The following ATP6V0A4 variants were observed in gnomAD, a reference collection of about 807,000 sequenced individuals.
ATP6V0A4 encodes the protein V-type proton ATPase 116 kDa subunit a 4.
Under a neutral mutation model 107.3 loss-of-function variants are expected in ATP6V0A4, and 86 were observed. The ratio of observed to expected loss-of-function variants is 0.80; its 90% CI spans 0.67 to 0.96. The LOEUF is 0.96. ATP6V0A4 is among the 40% of genes least tolerant of loss of function. The pLI is 0.00. For missense variants in ATP6V0A4, 908 were observed against 1,045.6 expected (o/e 0.87, Z 1.81); for synonymous variants, 353 against 381.4 (o/e 0.93, Z 0.87).
intron 2 of ATP6V0A4, among the ~76,000 whole-genome samples, chr7:138,778,190 G>A (rs528313200): frequency 3.3e-5 from 5 of 152,186 alleles, no homozygotes; most frequent in South Asian, 4.2e-4. Context: ...CCTGGCCAAC[G>A]TGGTGAAACA....
At chr7:138,781,341 T>C (rs191358825) in intron 2 of ATP6V0A4, among the ~76,000 whole-genome samples, 150 of 152,264 alleles carry the variant, frequency 9.9e-4, no homozygotes, top group African/African-American at 3.5e-3. Context: ...TTTCTTTTTC[T>C]TTTTTTGTAG....
At position 138,770,975 on chromosome 7, in the gene ATP6V0A4, C is replaced by T. The variant is rs554392108; in HGVS notation, c.117+156G>A. ...ATGACCTGCCTGGTCATGACAAATC[C>T]TAGCCAGAAGCACTAAAACTACAGA... On this transcript the variant is annotated intron_variant, in intron 3 of 21. Transcript: ENST00000310018. 4.5e-3 allele frequency among the ~76,000 whole-genome samples: 692 copies of T among 152,192 alleles called. 7 individuals are homozygous for T. The highest frequency in any genetic ancestry group is 0.016 in the African/African-American group (657 of 41,514).
In ATP6V0A4 at chr7:138,717,909, GAA is replaced by G. The variant is rs55813379; in HGVS notation, c.2140-2030_2140-2029del. ...GGCGACACAGTGAGACTCTGTCTCG[GAA>G]AAAAAAAAAAAAAAAAAAAGAGTGA... On this transcript the variant is annotated intron_variant, in intron 19 of 21. Coordinates refer to ENST00000310018, the MANE Select transcript of ATP6V0A4 (RefSeq NM_020632.3). Among the ~76,000 whole-genome samples the G allele has an allele frequency of 2.1e-3, 148 of 70,936 alleles. 2 individuals carry two copies. The highest frequency in any genetic ancestry group is 4.8e-3 in the African/African-American group (89 of 18,410). The allele number at this position is 70,936 out of a possible 152,430, so 46.5% of individuals were successfully genotyped here. A position where few individuals can be genotyped will look rare whatever the true frequency, so the allele number is the denominator to read the frequency against.
Position 138,747,489 on chromosome 7 carries a change from A to T in ATP6V0A4, c.1256T>A (p.Leu419His). ...CAGAATCATCCAAAGTGCAGCCAGG[A>T]GCATCACGGTTCCATGACCACAGTC... is the stretch of plus-strand genomic sequence containing the variant. ...FGDCGHGTVM[L>H]LAALWMILNE... Residue 419 changes from leucine to histidine, a missense_variant, in exon 13 of 22, where the codon CTC becomes CAC. Coordinates refer to ENST00000310018, the MANE Select transcript of ATP6V0A4 (RefSeq NM_020632.3). The T allele has an allele frequency of 6.2e-7, 1 of 1,614,138 alleles. No homozygotes were observed. The highest frequency in any genetic ancestry group is 2.2e-5 in the East Asian group (1 of 44,884).
At chr7:138,777,410 T>A (rs1807709995) in intron 2 of ATP6V0A4, among the ~76,000 whole-genome samples, 1 of 150,556 alleles carries the variant, frequency 6.6e-6, no homozygotes, top group African/African-American at 2.4e-5. Flanking sequence ...AGGTCAGGAG[T>A]TCAAGACCAG....
rs1306964028 is a variant in ATP6V0A4 at position 138,706,408 on chromosome 7, C to A, written c.*216G>T. On this transcript the variant is annotated 3_prime_UTR_variant, in exon 22 of 22. Coordinates refer to ENST00000310018, the MANE Select transcript of ATP6V0A4 (RefSeq NM_020632.3). ...TACTTTATTATTTGAGAATTAATAC[C>A]CCACATGAAGACAATATCACTTGCC... 3.5e-6 allele frequency: 2 copies of A among 570,410 alleles called. No homozygotes were observed. The highest frequency in any genetic ancestry group is 6.3e-6 in the Non-Finnish European group (2 of 318,388). The allele number at this position is 570,410 out of a possible 1,614,324, so 35.3% of individuals were successfully genotyped here. A position where few individuals can be genotyped will look rare whatever the true frequency, so the allele number is the denominator to read the frequency against.
At chr7:138,711,537 C>T (rs3778703) in intron 20 of ATP6V0A4, among the ~76,000 whole-genome samples, 18,170 of 152,124 alleles carry the variant, frequency 0.12, 1,486 homozygotes, top group African/African-American at 0.23. Flanking sequence ...CACTTGCAAG[C>T]GGCTATCAGA....
At chr7:138,734,830 G>A (rs1384051750) in intron 15 of ATP6V0A4, among the ~76,000 whole-genome samples, 1 of 148,954 alleles carries the variant, frequency 6.7e-6, no homozygotes, top group Non-Finnish European at 1.5e-5. Flanking sequence ...ATTACGGCAA[G>A]ATCTCAAACT....
At chr7:138,709,478 C>G in intron 21 of ATP6V0A4, 146 bp downstream of exon 21, 1 of 733,606 alleles carries the variant, frequency 1.4e-6, no homozygotes, top group Non-Finnish European at 2.5e-6. Flanking sequence ...AATATTACAC[C>G]AACAGATGAC....
chr7:138,727,962 CACAA>C (rs937149676), intron 18 of ATP6V0A4, among the ~76,000 whole-genome samples: 11 of 152,114 alleles, frequency 7.2e-5, no homozygotes, highest in African/African-American at 7.2e-5. Flanking sequence ...GGGGAAAAAT[CACAA>C]ACAAACAAAA....
intron 18 of ATP6V0A4, among the ~76,000 whole-genome samples, 194 bp downstream of exon 18, chr7:138,728,567 C>T (rs1334685599): frequency 6.6e-6 from 1 of 152,114 alleles, no homozygotes; most frequent in East Asian, 1.9e-4. Context: ...AATAGAGCAT[C>T]TCGTTGGAAA....
rs77227683 is a variant in ATP6V0A4 at position 138,772,375 on chromosome 7, G to A, written c.-17-1111C>T. Among the ~76,000 whole-genome samples the A allele has an allele frequency of 5.3e-5, 8 of 152,282 alleles. No individual in the cohort carries two copies. The East Asian group carries it at 1.5e-3, about 29-fold the overall frequency. On this transcript the variant is annotated intron_variant, in intron 2 of 21. Transcript: ENST00000310018. ...TTAGGGGAATGATTAAATAAACTGT[G>A]ATATAACAGAGCCCTGTGCAGTCAG...
At chr7:138,707,350 A>ATATATATTTAT (rs1385766898) in intron 21 of ATP6V0A4, among the ~76,000 whole-genome samples, 3 of 90,366 alleles carry the variant, frequency 3.3e-5, no homozygotes, top group Non-Finnish European at 6.0e-5. Context: ...TATATATTAT[A>ATATATATTTAT]ATATATATTA....
chr7:138,748,014 C>T (rs996763546), intron 12 of ATP6V0A4, among the ~76,000 whole-genome samples: 6 of 152,130 alleles, frequency 3.9e-5, no homozygotes, highest in African/African-American at 1.4e-4. Flanking sequence ...CCTCGGCCTC[C>T]CAAAGTGTTG....
At position 138,732,939 on chromosome 7, in the gene ATP6V0A4, A is replaced by C; in HGVS notation, c.1846T>G (p.Phe616Val). ...SQHAPSILIH[F>V]INMFLFNYSD... ...TAGTTAAACAGAAACATGTTGATGA[A>C]GTGGATGAGGATGCTGGGGGCGTGC... The change falls in exon 17 of 22, where the codon TTC becomes GTC. Residue 616 changes from phenylalanine (F) to valine (V), a missense_variant. Coordinates refer to ENST00000310018, the MANE Select transcript of ATP6V0A4 (RefSeq NM_020632.3). The C allele has an allele frequency of 6.2e-7, 1 of 1,613,676 alleles. No homozygotes were observed. Among genetic ancestry groups the C allele is most frequent in the African/African-American group, 1.3e-5 (1 of 74,984 alleles).
intron 20 of ATP6V0A4, among the ~76,000 whole-genome samples, chr7:138,715,394 T>C (rs188891912): frequency 2.5e-3 from 381 of 152,304 alleles, no homozygotes; most frequent in Non-Finnish European, 4.2e-3. Flanking sequence ...AGAGACGGGT[T>C]TCACCATGTT....
At chr7:138,715,982 G>T in intron 19 of ATP6V0A4, 101 bp from the exon 20 acceptor site, 2 of 1,490,544 alleles carry the variant, frequency 1.3e-6, no homozygotes, top group South Asian at 1.1e-5. Context: ...TTGCTGTTCA[G>T]ACACTTTCAG....
At chr7:138,758,774 G>T in intron 8 of ATP6V0A4, among the ~76,000 whole-genome samples, 1 of 47,758 alleles carries the variant, frequency 2.1e-5, no homozygotes, top group Non-Finnish European at 4.7e-5. Context: ...TTTTTTTGAG[G>T]GAGTCTTGCT....
At chr7:138,748,887 T>C (rs1245316048) in intron 12 of ATP6V0A4, among the ~76,000 whole-genome samples, 1 of 152,174 alleles carries the variant, frequency 6.6e-6, no homozygotes, top group South Asian at 2.1e-4. Context: ...GGCTGCCTGA[T>C]GAGGTTGCAG....
Sources: gnomAD v4.1 joint callset for allele counts (sites outside exome capture counted in the v4.1 genomes callset) on GRCh38, gnomAD v4.1.1 for gene constraint, MANE v1.5 for transcripts, NCBI Gene and HGNC (gene_info 2026-07-23, HGNC 2026-07-21) for gene names.